Variants in BIRC6 observed in about 807,000 individuals in gnomAD.
BIRC6 encodes the protein baculoviral IAP repeat containing 6.
Under a neutral mutation model 503.3 loss-of-function variants are expected in BIRC6, and 98 were observed. The observed-to-expected ratio is 0.19, with a 90% CI of 0.17 to 0.23. The LOEUF (loss-of-function observed/expected upper bound fraction) is 0.23, where lower values mean the gene tolerates loss of function less well. Ranked by LOEUF, BIRC6 falls within the 10% of genes least tolerant of loss-of-function variation. The probability of loss-of-function intolerance (pLI) is 1.00; values close to 1 mark genes in which losing one functional copy is unlikely to be tolerated. For missense variants in BIRC6, 5,360 were observed against 5,806.0 expected (o/e 0.92, Z 2.50); for synonymous variants, 2,240 against 2,078.7 (o/e 1.08, Z -2.11).
In BIRC6 at chr2:32,377,667, G is replaced by A; in HGVS notation, c.405G>A (p.Gly135=). The A allele has an allele frequency of 6.2e-7, 1 of 1,613,464 alleles. No homozygotes were observed. The highest frequency in any genetic ancestry group is 8.5e-7 in the Non-Finnish European group (1 of 1,179,530). ...TATTTGTGGATGATTATGCAGTAGG[G>A]TGTAGGAAGGACCTTAATGGAATCT... ...KVIFVDDYAV[G]CRKDLNGILL... The change falls in exon 2 of 74, where the codon GGG becomes GGA. Residue 135 remains glycine (G), a synonymous_variant. Coordinates refer to ENST00000421745, the MANE Select transcript of BIRC6 (RefSeq NM_016252.4).
chr2:32,591,103 A>G (rs902955148), intron 66 of BIRC6: 16 of 468,924 alleles, frequency 3.4e-5, no homozygotes, highest in Non-Finnish European at 4.5e-5. Flanking sequence ...ATTGATAGGC[A>G]GGTAGTGTGT....
intron 65 of BIRC6, among the ~76,000 whole-genome samples, chr2:32,550,954 T>A (rs1025987343): frequency 2.0e-5 from 3 of 152,084 alleles, no homozygotes; most frequent in Non-Finnish European, 4.4e-5. Context: ...ATTATTTTCC[T>A]GGAAAAAAGA....
intron 23 of BIRC6, among the ~76,000 whole-genome samples, chr2:32,457,688 A>G: frequency 6.6e-6 from 1 of 151,892 alleles, no homozygotes; most frequent in East Asian, 1.9e-4. Context: ...ATTGATTTTT[A>G]TTCCTTTGTC....
At chr2:32,559,388 C>CT (rs1559051355) in intron 65 of BIRC6, among the ~76,000 whole-genome samples, 1 of 152,084 alleles carries the variant, frequency 6.6e-6, no homozygotes, top group Non-Finnish European at 1.5e-5. Flanking sequence ...TGCCTCTGTT[C>CT]TTTGTCAGGC....
At position 32,403,090 on chromosome 2, in the gene BIRC6, A is replaced by C. The variant is rs925950970; in HGVS notation, c.1418+1467A>C. ...TTTTCTCTGAAGAAAGTCTCAAACA[A>C]ATCATACAAAAACATTAAGTTGATG... On this transcript the variant is annotated intron_variant, in intron 8 of 73. Transcript: ENST00000421745. Among the ~76,000 whole-genome samples, 6 of 152,322 alleles carry C rather than the reference A, an allele frequency of 3.9e-5. No homozygotes were observed. The East Asian group carries it at 7.7e-4, about 20-fold the overall frequency.
intron 73 of BIRC6, among the ~76,000 whole-genome samples, chr2:32,615,708 C>T (rs897197827): frequency 6.6e-6 from 1 of 152,166 alleles, no homozygotes; most frequent in Admixed American, 6.5e-5. Context: ...GATCTCAGCT[C>T]ACTGGAACCT....
intron 10 of BIRC6, among the ~76,000 whole-genome samples, chr2:32,427,114 T>A (rs2043594450): frequency 6.6e-6 from 1 of 152,116 alleles, no homozygotes; most frequent in Non-Finnish European, 1.5e-5. Context: ...TTTATCCTAT[T>A]TGAGGGTCAT....
chr2:32,423,274 A>C (rs1222343700), intron 10 of BIRC6, among the ~76,000 whole-genome samples: 1 of 152,128 alleles, frequency 6.6e-6, no homozygotes, highest in Non-Finnish European at 1.5e-5. Flanking sequence ...GTCATGGGTT[A>C]TAATTTTTTT....
At chr2:32,541,800 T>C (rs2057685651) in intron 61 of BIRC6, among the ~76,000 whole-genome samples, 1 of 152,142 alleles carries the variant, frequency 6.6e-6, no homozygotes, top group African/African-American at 2.4e-5. Context: ...ATTATAGACA[T>C]GATGCTCCTT....
chr2:32,588,724 ACT>A (rs1488498548), intron 66 of BIRC6, among the ~76,000 whole-genome samples: 1 of 152,166 alleles, frequency 6.6e-6, no homozygotes, highest in Non-Finnish European at 1.5e-5. Context: ...CTTGAAAGTA[ACT>A]CTCAGTTACC....
chr2:32,506,023 T>C (rs1326486685), intron 50 of BIRC6, among the ~76,000 whole-genome samples: 1 of 151,984 alleles, frequency 6.6e-6, no homozygotes, highest in South Asian at 2.1e-4. Flanking sequence ...AATTTTTGTA[T>C]TTTTTTGTAG....
At position 32,486,452 on chromosome 2, in the gene BIRC6, C is replaced by T. The variant is rs192098097; in HGVS notation, c.7813+693C>T. On this transcript the variant is annotated intron_variant, in intron 40 of 73. Coordinates refer to ENST00000421745, the MANE Select transcript of BIRC6 (RefSeq NM_016252.4). ...GGTTTGTTTTCCTTGATGAGGTCTA[C>T]ACAAGTCTGGAACTGGGTAGACCTC... Among the ~76,000 whole-genome samples the T allele has an allele frequency of 2.3e-4, 35 of 152,280 alleles. No homozygotes were observed. The East Asian group carries it at 5.4e-3, about 24-fold the overall frequency.
At chr2:32,419,359 G>A (rs1436523628) in intron 10 of BIRC6, among the ~76,000 whole-genome samples, 1 of 151,974 alleles carries the variant, frequency 6.6e-6, no homozygotes, top group Non-Finnish European at 1.5e-5. Context: ...ATTTTATATA[G>A]GATTAATAAT....
rs2036985848 is a variant in BIRC6, at chr2:32,377,501, A to G, written c.326-87A>G. On this transcript the variant is annotated intron_variant, in intron 1 of 73. Transcript: ENST00000421745. ...TTTAAGATCCAATTCAGGATAATAT[A>G]TTGTGTTTAGTCACTATGTAAACAT... The G allele has an allele frequency of 3.7e-6, 4 of 1,076,404 alleles. No individual in the cohort carries two copies. The South Asian group carries it at 8.4e-5, about 23-fold the overall frequency. The allele number at this position is 1,076,404 out of a possible 1,614,324, so 66.7% of individuals were successfully genotyped here.
chr2:32,476,490 A>G (rs2049780083), intron 34 of BIRC6, 146 bp downstream of exon 34: 2 of 700,780 alleles, frequency 2.9e-6, no homozygotes. Context: ...GGGTAGTTTA[A>G]CTGAAGGAAA....
At chr2:32,444,502 A>G (rs1401420667) in intron 20 of BIRC6, among the ~76,000 whole-genome samples, 1 of 152,232 alleles carries the variant, frequency 6.6e-6, no homozygotes, top group Non-Finnish European at 1.5e-5. Flanking sequence ...TTGCTAGTAC[A>G]TGGTGTTACT....
At chr2:32,507,957 G>A (rs1186105424) in intron 50 of BIRC6, 23 bp from the exon 51 acceptor site, 1 of 1,602,268 alleles carries the variant, frequency 6.2e-7, no homozygotes, top group East Asian at 2.2e-5. Flanking sequence ...CTTTTGTGAT[G>A]ATTCAGTTTT....
intron 51 of BIRC6, among the ~76,000 whole-genome samples, chr2:32,508,788 T>G (rs997833376): frequency 1.3e-5 from 2 of 152,112 alleles, no homozygotes; most frequent in African/African-American, 4.8e-5. Flanking sequence ...TTCTGCCTGA[T>G]AAAAATGAAT....
intron 22 of BIRC6, among the ~76,000 whole-genome samples, chr2:32,451,680 A>G (rs1028303980): frequency 5.3e-5 from 8 of 152,220 alleles, no homozygotes; most frequent in Admixed American, 5.2e-4. Flanking sequence ...TTACAAGCTG[A>G]ACTACTTGCT....
Sources: gnomAD v4.1 joint callset for allele counts (sites outside exome capture counted in the v4.1 genomes callset) on GRCh38, gnomAD v4.1.1 for gene constraint, MANE v1.5 for transcripts, NCBI Gene and HGNC (gene_info 2026-07-23, HGNC 2026-07-21) for gene names.